Variants in SIDT2 observed in about 807,000 individuals in gnomAD.
SIDT2 encodes the protein SID1 transmembrane family member 2, also known as SID1 transmembrane family, member 2.
In SIDT2, 68 loss-of-function variants were observed where a neutral mutation model predicts 114.4. The observed-to-expected ratio is 0.59, with a 90% CI of 0.49 to 0.73. The LOEUF is 0.73. SIDT2 is among the 30% of genes least tolerant of loss of function. The probability of loss-of-function intolerance (pLI) is 0.00; values close to 1 mark genes in which losing one functional copy is unlikely to be tolerated. For synonymous variants in SIDT2, 470 were observed against 438.4 expected, an observed-to-expected ratio of 1.07 and a Z score of -0.90; for missense variants, 918 against 1,097.1, an observed-to-expected ratio of 0.84 and a Z score of 2.31.
At chr11:117,186,491 G>A in intron 9 of SIDT2, 93 bp from the exon 10 acceptor site, 2 of 1,241,338 alleles carry the variant, frequency 1.6e-6, no homozygotes, top group Admixed American at 2.3e-5. Flanking sequence ...ATAGCGATGA[G>A]AGTGGAGCAG....
rs757938262 is a variant in SIDT2 at position 117,192,814 on chromosome 11, C to T, written c.2059-6C>T. 1.9e-6 allele frequency: 3 copies of T among 1,614,198 alleles called. No individual in the cohort carries two copies. Among genetic ancestry groups the T allele is most frequent in the South Asian group, 1.1e-5 (1 of 91,086 alleles). ...CCTCAGTCCCTGTGTCCCTGCTTCC[C>T]TCCAGGACCGCATGGTGCTGCTGGT... On this transcript the variant is annotated splice_region_variant and splice_polypyrimidine_tract_variant and intron_variant, in intron 21 of 25. Transcript: ENST00000324225. This position sits in a 1 kb window ranked among gnomAD's most constrained non-coding sequence, Gnocchi z 5.9.
chr11:117,185,871 CAAAA>C (rs34117588), intron 8 of SIDT2: 307 of 180,160 alleles, frequency 1.7e-3, no homozygotes, highest in South Asian at 5.3e-3. Context: ...GAGCCCGTCT[CAAAA>C]AAAAAAAAAA....
Position 117,192,316 on chromosome 11 carries a change from C to G in SIDT2, c.1935C>G (p.Thr645=). Residue 645 remains threonine, a synonymous_variant, in exon 20 of 26, where the codon ACC becomes ACG. Transcript: ENST00000324225. The surrounding 1 kb of genome is among the most constrained non-coding windows in gnomAD (Gnocchi z 5.9). The part of the protein sequence containing the change: ...IVFSIIHIIA[T]LLLSTQLYYM... ...TCTCCATCATTCACATCATCGCCAC[C>G]CTGCTCCTCAGCACGCAGCTCTATT... is the stretch of plus-strand genomic sequence containing the variant. 1 of 1,612,580 alleles carries G rather than the reference C, an allele frequency of 6.2e-7. No homozygotes were observed. Among genetic ancestry groups the G allele is most frequent in the Non-Finnish European group, 8.5e-7 (1 of 1,178,678 alleles).
Position 117,181,976 on chromosome 11 carries a change from G to A in SIDT2, c.470+5G>A. On this transcript the variant is annotated splice_donor_5th_base_variant and intron_variant, in intron 3 of 25. Transcript: ENST00000324225. Reference sequence around the variant, plus strand: ...CATGGACGATTTTGTGCTCAGGTCTGCAGGGTAGAGTGAGGGGACCACGGG... The same window carrying A: ...CATGGACGATTTTGTGCTCAGGTCTACAGGGTAGAGTGAGGGGACCACGGG... 6.2e-7 allele frequency: 1 copy of A among 1,614,158 alleles called. No individual in the cohort carries two copies. Among genetic ancestry groups the A allele is most frequent in the Non-Finnish European group, 8.5e-7 (1 of 1,180,022 alleles).
chr11:117,183,918 T>C, intron 7 of SIDT2, 40 bp downstream of exon 7: 1 of 1,553,748 alleles, frequency 6.4e-7, no homozygotes, highest in Non-Finnish European at 8.9e-7. Flanking sequence ...GATGGGGAGG[T>C]CTTGGTCACT....
At position 117,192,142 on chromosome 11, in the gene SIDT2, TG is replaced by T. The variant is rs146690904; in HGVS notation, c.1873-109del. Reference sequence around the variant, plus strand: ...CTGCTCCTTCCCTGAGATGCCTTCCTGGGCCCCTCTCAGAGTCCCAGCCTGG... The same window carrying T: ...CTGCTCCTTCCCTGAGATGCCTTCCTGGCCCCTCTCAGAGTCCCAGCCTGG... On this transcript the variant is annotated intron_variant, in intron 19 of 25. Transcript: ENST00000324225. The surrounding 1 kb of genome is among the most constrained non-coding windows in gnomAD (Gnocchi z 5.9). The T allele has an allele frequency of 9.6e-3, 14,753 of 1,537,334 alleles. 1,185 individuals carry two copies. The African/African-American group carries it at 0.18, about 19-fold the overall frequency.
At chr11:117,184,035 C>G in intron 7 of SIDT2, 39 bp from the exon 8 acceptor site, 1 of 1,611,914 alleles carries the variant, frequency 6.2e-7, no homozygotes, top group Non-Finnish European at 8.5e-7. Flanking sequence ...TAGCCAAGCT[C>G]CAGGCAACTA....
Position 117,190,028 on chromosome 11 carries a change from G to A in SIDT2, c.1493+3G>A. The A allele has an allele frequency of 6.2e-7, 1 of 1,614,142 alleles. No individual in the cohort carries two copies. The highest frequency in any genetic ancestry group is 8.5e-7 in the Non-Finnish European group (1 of 1,180,020). On this transcript the variant is annotated splice_donor_region_variant and intron_variant, in intron 16 of 25. Coordinates refer to ENST00000324225, the MANE Select transcript of SIDT2 (RefSeq NM_001040455.2). This position sits in a 1 kb window ranked among gnomAD's most constrained non-coding sequence, Gnocchi z 4.1. The stretch of plus-strand genomic sequence containing the variant: ...GCCCACCCACTGGGCAATCTCAGGT[G>A]GGGGTCATGCTGGGAGGCCCCTTGT...
At chr11:117,180,655 C>T (rs563010636) in intron 1 of SIDT2, among the ~76,000 whole-genome samples, 1 of 151,720 alleles carries the variant, frequency 6.6e-6, no homozygotes, top group South Asian at 2.1e-4. Context: ...CCTGCCTCAG[C>T]CTCCCAAGTA....
In SIDT2 at chr11:117,189,243, G is replaced by A. The variant is rs758064479; in HGVS notation, c.1352+1G>A. 1 of 1,614,248 alleles carries A rather than the reference G, an allele frequency of 6.2e-7. No homozygotes were observed. The highest frequency in any genetic ancestry group is 8.5e-7 in the Non-Finnish European group (1 of 1,180,038). ...GGAAAAAGTACCAGATCTACTTCTG[G>A]TGAGTGGGCTGAGTGTCTGGGGCTC... On this transcript the variant is annotated splice_donor_variant, in intron 14 of 25. Transcript: ENST00000324225. LOFTEE classifies it high-confidence loss of function.
In SIDT2 at chr11:117,192,713, G is replaced by T. The variant is rs2030749051; in HGVS notation, c.2058+63G>T. Reference sequence around the variant, plus strand: ...CCTTTCTTCCCTCTGATGGGGGAGTGGGGCTGGGCTGAGGACCCAGGGGAG... The same window carrying T: ...CCTTTCTTCCCTCTGATGGGGGAGTTGGGCTGGGCTGAGGACCCAGGGGAG... On this transcript the variant is annotated intron_variant, in intron 21 of 25. Coordinates refer to ENST00000324225, the MANE Select transcript of SIDT2 (RefSeq NM_001040455.2). This position sits in a 1 kb window ranked among gnomAD's most constrained non-coding sequence, Gnocchi z 5.9. 6.2e-7 allele frequency: 1 copy of T among 1,611,896 alleles called. No individual in the cohort carries two copies. The highest frequency in any genetic ancestry group is 1.7e-5 in the Admixed American group (1 of 60,000).
At chr11:117,180,531 C>CTTT (rs35242634) in intron 1 of SIDT2, among the ~76,000 whole-genome samples, 112 of 82,378 alleles carry the variant, frequency 1.4e-3, no homozygotes, top group East Asian at 2.7e-3. Flanking sequence ...ATCACTTTAT[C>CTTT]TTTTTTTTTT....
At position 117,192,576 on chromosome 11, in the gene SIDT2, T is replaced by G; in HGVS notation, c.1984T>G (p.Ser662Ala). 1 of 1,608,874 alleles carries G rather than the reference T, an allele frequency of 6.2e-7. No individual in the cohort carries two copies. The highest frequency in any genetic ancestry group is 8.5e-7 in the Non-Finnish European group (1 of 1,179,978). The change falls in exon 21 of 26, where the codon TCG becomes GCG. Residue 662 changes from serine to alanine, a missense_variant and splice_region_variant. This residue lies in a region of SIDT2 where 275 missense variants were observed against 397.6 expected (regional missense o/e 0.69). Coordinates refer to ENST00000324225, the MANE Select transcript of SIDT2 (RefSeq NM_001040455.2). The surrounding 1 kb of genome is among the most constrained non-coding windows in gnomAD (Gnocchi z 5.9). Reference sequence around the variant, plus strand: ...GCACCACTCCCTTCTCTTCGCAGACTCGGGGATCTTCCGCCGCATCCTCCA... The same window carrying G: ...GCACCACTCCCTTCTCTTCGCAGACGCGGGGATCTTCCGCCGCATCCTCCA... ...LYYMGRWKLDSGIFRRILHVL... is the reference protein window; with the variant it reads ...LYYMGRWKLDAGIFRRILHVL...
rs533056070 is a variant in SIDT2 at position 117,188,573 on chromosome 11, C to T, written c.1160-135C>T. ...CTCCCAGCTCCTGAGCCCACTTCCACCCCAACTCTGAGGCCCAGCCCACAA... is the reference window on the plus strand; with the variant it reads ...CTCCCAGCTCCTGAGCCCACTTCCATCCCAACTCTGAGGCCCAGCCCACAA... On this transcript the variant is annotated intron_variant, in intron 12 of 25. Transcript: ENST00000324225. The surrounding 1 kb of genome is among the most constrained non-coding windows in gnomAD (Gnocchi z 4.0). The T allele has an allele frequency of 1.5e-6, 1 of 680,822 alleles. No individual in the cohort carries two copies. Among genetic ancestry groups the T allele is most frequent in the Admixed American group, 2.2e-5 (1 of 45,964 alleles). The allele number at this position is 680,822 out of a possible 1,614,324, so 42.2% of individuals were successfully genotyped here. A position where few individuals can be genotyped will look rare whatever the true frequency, so the allele number is the denominator to read the frequency against.
At chr11:117,186,971 G>A (rs561515961) in intron 10 of SIDT2, 35 of 1,464,064 alleles carry the variant, frequency 2.4e-5, no homozygotes, top group Middle Eastern at 1.8e-4. Context: ...TCCCTCCTGC[G>A]TGGGACCTTC....
Position 117,190,755 on chromosome 11 carries a change from C to T in SIDT2, c.1735+15C>T, listed in dbSNP as rs764880093. The T allele has an allele frequency of 1.3e-6, 2 of 1,599,928 alleles. No individual in the cohort carries two copies. Among genetic ancestry groups the T allele is most frequent in the Non-Finnish European group, 8.6e-7 (1 of 1,167,068 alleles). On this transcript the variant is annotated intron_variant, in intron 18 of 25. Transcript: ENST00000324225. This position sits in a 1 kb window ranked among gnomAD's most constrained non-coding sequence, Gnocchi z 4.1. ...TTTCCAGTTTGGTGAGTGGGGCGTC[C>T]TTCTTTTCTGGCTCAACCTACAGCA...
Position 117,189,241 on chromosome 11 carries a change from T to C in SIDT2, c.1351T>C (p.Trp451Arg). 6.2e-7 allele frequency: 1 copy of C among 1,614,234 alleles called. No homozygotes were observed. Among genetic ancestry groups the C allele is most frequent in the Non-Finnish European group, 8.5e-7 (1 of 1,180,034 alleles). The change falls in exon 14 of 26, where the codon TGG becomes CGG. Residue 451 changes from tryptophan to arginine, a missense_variant and splice_region_variant. Trp to Arg is a moderately radical substitution (Grantham distance 101). Transcript: ENST00000324225. The part of the protein sequence containing the change: ...VLRKKYQIYF[W>R]NIATIAVFYA... ...GCGGAAAAAGTACCAGATCTACTTC[T>C]GGTGAGTGGGCTGAGTGTCTGGGGC...
intron 10 of SIDT2, chr11:117,186,984 T>C: frequency 6.9e-7 from 1 of 1,456,184 alleles, no homozygotes; most frequent in Non-Finnish European, 9.1e-7. Context: ...GGACCTTCTC[T>C]CTTAGCTTCT....
chr11:117,195,793 C>T lies in SIDT2; in HGVS notation c.2323-9C>T, dbSNP rs2030875311. On this transcript the variant is annotated splice_polypyrimidine_tract_variant and intron_variant, in intron 24 of 25. Transcript: ENST00000324225. ...GGTCATTCGGCAGTTTTTCTTGTTG[C>T]TCCCCAAGAAAACCCCTGCAGAGTC... 1 of 1,613,774 alleles carries T rather than the reference C, an allele frequency of 6.2e-7. No individual in the cohort carries two copies. The highest frequency in any genetic ancestry group is 1.3e-5 in the African/African-American group (1 of 74,930).
Sources: allele counts gnomAD v4.1 joint callset (sites outside exome capture counted in the v4.1 genomes callset), GRCh38; gene constraint gnomAD v4.1.1; regional missense constraint gnomAD v4.1.1; non-coding constraint Gnocchi (gnomAD v3.1); transcripts MANE v1.5; gene names NCBI Gene and HGNC (gene_info 2026-07-23, HGNC 2026-07-21).